MSI2: variants seen among roughly 807,000 people sequenced by gnomAD.
The protein encoded by MSI2 is musashi RNA binding protein 2, also known as RNA-binding protein Musashi homolog 2.
In MSI2, 17 loss-of-function variants were observed where a neutral mutation model predicts 45.6. The observed-to-expected ratio is 0.37, with a 90% CI of 0.26 to 0.56. The LOEUF (loss-of-function observed/expected upper bound fraction) is 0.56, where lower values mean the gene tolerates loss of function less well. MSI2 is among the 20% of genes least tolerant of loss of function. The pLI is 0.77. For missense variants in MSI2, 293 were observed against 444.2 expected, an observed-to-expected ratio of 0.66 and a Z score of 3.06; for synonymous variants, 156 against 158.2, an observed-to-expected ratio of 0.99 and a Z score of 0.11.
chr17:57,651,572 G>A (rs151117424), intron 10 of MSI2, among the ~76,000 whole-genome samples: 202 of 152,336 alleles, frequency 1.3e-3, no homozygotes, highest in African/African-American at 4.6e-3. Context: ...AGTTAAAAAG[G>A]CCATGCTAAC....
At chr17:57,483,661 C>G (rs1189755652) in intron 6 of MSI2, among the ~76,000 whole-genome samples, 1 of 152,214 alleles carries the variant, frequency 6.6e-6, no homozygotes, top group Non-Finnish European at 1.5e-5. Context: ...ATCTGGGCCA[C>G]TGGTGCTCAT....
At chr17:57,697,991 C>T in the MSI2 span, among the ~76,000 whole-genome samples, 1 of 152,186 alleles carries the variant, frequency 6.6e-6, no homozygotes, top group African/African-American at 2.4e-5. Context: ...CTGCCTCCCA[C>T]ACTCACGGCT....
chr17:57,506,545 C>G (rs1012511545), intron 6 of MSI2, among the ~76,000 whole-genome samples: 1 of 152,076 alleles, frequency 6.6e-6, no homozygotes, highest in Non-Finnish European at 1.5e-5. Context: ...TGGGAACGTT[C>G]GCAGTCATCT....
chr17:57,294,361 G>A (rs1910738469), intron 5 of MSI2, among the ~76,000 whole-genome samples: 1 of 152,146 alleles, frequency 6.6e-6, no homozygotes, highest in African/African-American at 2.4e-5. Context: ...CATATCTCAG[G>A]GGGCCGTGGC....
chr17:57,576,319 G>GATCCTACTCTCCATTGT (rs1298836841), intron 7 of MSI2, among the ~76,000 whole-genome samples: 2 of 152,196 alleles, frequency 1.3e-5, no homozygotes, highest in Non-Finnish European at 2.9e-5. Context: ...GCAAGGGCTG[G>GATCCTACTCTCCATTGT]ATCCTACTCT....
At position 57,674,958 on chromosome 17, in the gene MSI2, C is replaced by T. The variant is rs781344636; in HGVS notation, c.791-14C>T. The T allele has an allele frequency of 2.6e-5, 42 of 1,612,668 alleles. No individual in the cohort carries two copies. Among genetic ancestry groups the T allele is most frequent in the Admixed American group, 3.3e-5 (2 of 59,950 alleles). ...GTGCTCAACCGAATTTTGGCGCGCC[C>T]GCTTCCCCGGCAGGCTCCAACCCGG... On this transcript the variant is annotated splice_polypyrimidine_tract_variant and intron_variant, in intron 11 of 13. Transcript: ENST00000284073.
intron 5 of MSI2, among the ~76,000 whole-genome samples, chr17:57,320,192 G>A (rs1001028534): frequency 6.6e-6 from 1 of 152,192 alleles, no homozygotes; most frequent in Non-Finnish European, 1.5e-5. Context: ...AGGGGCGATT[G>A]TGAGCTCTTG....
At chr17:57,585,020 G>T (rs1225743490) in intron 7 of MSI2, among the ~76,000 whole-genome samples, 1 of 152,052 alleles carries the variant, frequency 6.6e-6, no homozygotes, top group African/African-American at 2.4e-5. Context: ...GTTTCACCAT[G>T]TTGGCCAGGC....
the MSI2 span, among the ~76,000 whole-genome samples, chr17:57,698,341 G>C: frequency 6.6e-6 from 1 of 152,186 alleles, no homozygotes; most frequent in African/African-American, 2.4e-5. Context: ...CCCACTTTCT[G>C]TGCCCGCACG....
chr17:57,462,431 C>T (rs529534120), intron 6 of MSI2, among the ~76,000 whole-genome samples: 7 of 152,334 alleles, frequency 4.6e-5, no homozygotes, highest in African/African-American at 1.4e-4. Context: ...GTTGTGCCCA[C>T]GTGACCCCAG....
chr17:57,385,765 C>T (rs2083675210), intron 5 of MSI2, among the ~76,000 whole-genome samples: 1 of 152,230 alleles, frequency 6.6e-6, no homozygotes, highest in South Asian at 2.1e-4. Context: ...ATCATATTTC[C>T]CTGACTGGTC....
At chr17:57,487,874 TCTCC>T (rs1279454460) in intron 6 of MSI2, among the ~76,000 whole-genome samples, 2 of 151,650 alleles carry the variant, frequency 1.3e-5, no homozygotes, top group African/African-American at 4.8e-5. Context: ...TTGGGTTGCG[TCTCC>T]CTCCCTCTAT....
rs1913525321 is a variant in MSI2 at position 57,680,351 on chromosome 17, A to C, written c.*834A>C. ...GTGAATTCTAAAAAAGAAATGTTGT[A>C]AATACAATTCCATTAACTACATAGA... On this transcript the variant is annotated 3_prime_UTR_variant, in exon 14 of 14. Transcript: ENST00000284073. 1 of 226,618 alleles carries C rather than the reference A, an allele frequency of 4.4e-6. No individual in the cohort carries two copies. Among genetic ancestry groups the C allele is most frequent in the Non-Finnish European group, 8.8e-6 (1 of 113,976 alleles). 14.0% of individuals were successfully genotyped at this position (226,618 alleles called of 1,614,324 possible).
rs1180613902 is a variant in MSI2 at position 57,262,019 on chromosome 17, T to C, written c.271-132T>C. ...TTGAGATCAAAGTTTAAGAAACTTT[T>C]GAGTTGCCTGAGAAGTTACTAAAAG... On this transcript the variant is annotated intron_variant, in intron 4 of 13. Coordinates refer to ENST00000284073, the MANE Select transcript of MSI2 (RefSeq NM_138962.4). The C allele has an allele frequency of 8.9e-6, 8 of 897,064 alleles. No homozygotes were observed. The Admixed American group carries it at 1.2e-4, about 13-fold the overall frequency. The allele number at this position is 897,064 out of a possible 1,614,324, so 55.6% of individuals were successfully genotyped here. A position where few individuals can be genotyped will look rare whatever the true frequency, so the allele number is the denominator to read the frequency against.
intron 6 of MSI2, among the ~76,000 whole-genome samples, chr17:57,499,916 C>T (rs1181519449): frequency 6.6e-6 from 1 of 152,108 alleles, no homozygotes; most frequent in African/African-American, 2.4e-5. Context: ...ACAAATGTTT[C>T]CACAGACAAG....
At chr17:57,632,643 C>G in intron 10 of MSI2, 1 of 1,066,160 alleles carries the variant, frequency 9.4e-7, no homozygotes, top group Non-Finnish European at 1.1e-6. Flanking sequence ...CTGCCCATCA[C>G]CCTTAGAAGG....
intron 6 of MSI2, among the ~76,000 whole-genome samples, chr17:57,467,479 T>C (rs556206052): frequency 1.8e-4 from 28 of 152,180 alleles, no homozygotes; most frequent in African/African-American, 6.0e-4. Context: ...GATGCATGGA[T>C]AGACAGAAGG....
chr17:57,497,553 A>G (rs544820218), intron 6 of MSI2, among the ~76,000 whole-genome samples: 1 of 152,302 alleles, frequency 6.6e-6, no homozygotes, highest in South Asian at 2.1e-4. Flanking sequence ...TGGCTGGAAA[A>G]TCAAAAAGAC....
chr17:57,356,880 A>G (rs1916461130), intron 5 of MSI2, among the ~76,000 whole-genome samples: 1 of 152,156 alleles, frequency 6.6e-6, no homozygotes. Flanking sequence ...AAAAAATTAA[A>G]CAGGTGATTA....
Sources: gnomAD v4.1 joint callset for allele counts (sites outside exome capture counted in the v4.1 genomes callset) on GRCh38, gnomAD v4.1.1 for gene constraint, MANE v1.5 for transcripts, NCBI Gene and HGNC (gene_info 2026-07-23, HGNC 2026-07-21) for gene names.